The following MSRA variants were observed in gnomAD, a reference collection of about 807,000 sequenced individuals.
The protein encoded by MSRA is methionine sulfoxide reductase A, also known as mitochondrial peptide methionine sulfoxide reductase.
A neutral mutation model predicts 31.3 loss-of-function variants in MSRA; 54 were observed. The observed-to-expected ratio is 1.73, with a 90% CI of 1.39 to 2.17. The LOEUF (loss-of-function observed/expected upper bound fraction) is 2.17. MSRA is among the 30% of genes most tolerant of loss of function. The pLI, the probability that MSRA is intolerant of heterozygous loss-of-function variation, is 0.00. For synonymous variants in MSRA, 169 were observed against 116.5 expected (o/e 1.45, Z -2.90); for missense variants, 507 against 300.9 (o/e 1.69, Z -5.07).
At chr8:10,346,610 G>A (rs1206317233) in intron 5 of MSRA, among the ~76,000 whole-genome samples, 1 of 152,186 alleles carries the variant, frequency 6.6e-6, no homozygotes, top group East Asian at 1.9e-4. Flanking sequence ...GCTCCAGAGT[G>A]GAAAAGAGGG....
chr8:10,086,300 C>T (rs1221362009), intron 1 of MSRA, among the ~76,000 whole-genome samples: 1 of 152,158 alleles, frequency 6.6e-6, no homozygotes, highest in African/African-American at 2.4e-5. Flanking sequence ...CTGGTGCTAC[C>T]ATTTAATGGA....
At chr8:10,141,562 C>T (rs1435828983) in intron 1 of MSRA, among the ~76,000 whole-genome samples, 6 of 152,188 alleles carry the variant, frequency 3.9e-5, no homozygotes, top group Admixed American at 3.9e-4. Context: ...AGCCTTAGAG[C>T]TAAGCATGCA....
chr8:10,329,872 C>G (rs1802590274), intron 5 of MSRA, among the ~76,000 whole-genome samples: 1 of 151,846 alleles, frequency 6.6e-6, no homozygotes, highest in African/African-American at 2.4e-5. Context: ...AGTTTATCCC[C>G]TTTCATACAT....
intron 3 of MSRA, among the ~76,000 whole-genome samples, chr8:10,279,042 G>A: frequency 6.6e-6 from 1 of 152,256 alleles, no homozygotes; most frequent in East Asian, 1.9e-4. Context: ...AGGTCATTTA[G>A]GTCATTGATT....
intron 2 of MSRA, among the ~76,000 whole-genome samples, chr8:10,211,681 G>A (rs978078904): frequency 1.3e-5 from 2 of 152,162 alleles, no homozygotes; most frequent in African/African-American, 4.8e-5. Flanking sequence ...GGCACCCAGA[G>A]ATTAAAGAAA....
intron 5 of MSRA, among the ~76,000 whole-genome samples, chr8:10,339,076 T>C (rs1353411077): frequency 6.6e-6 from 1 of 152,216 alleles, no homozygotes; most frequent in Non-Finnish European, 1.5e-5. Flanking sequence ...CCCTTGTTCT[T>C]ATGAACCTTG....
At chr8:10,089,465 AT>A (rs1273061627) in intron 1 of MSRA, among the ~76,000 whole-genome samples, 1 of 152,206 alleles carries the variant, frequency 6.6e-6, no homozygotes, top group East Asian at 1.9e-4. Flanking sequence ...TGAATTTGCC[AT>A]TGCACATTCC....
At chr8:10,149,417 C>G (rs776492819) in intron 1 of MSRA, among the ~76,000 whole-genome samples, 1 of 152,232 alleles carries the variant, frequency 6.6e-6, no homozygotes, top group Non-Finnish European at 1.5e-5. Context: ...AGCCACCGCG[C>G]CCGGCTGAGA....
chr8:10,224,706 G>A (rs1485023502), intron 2 of MSRA, among the ~76,000 whole-genome samples: 1 of 152,176 alleles, frequency 6.6e-6, no homozygotes, highest in Non-Finnish European at 1.5e-5. Context: ...CCCCATCAGA[G>A]AGAGACACTC....
At chr8:10,136,222 A>G (rs1166755257) in intron 1 of MSRA, among the ~76,000 whole-genome samples, 1 of 152,172 alleles carries the variant, frequency 6.6e-6, no homozygotes, top group Non-Finnish European at 1.5e-5. Flanking sequence ...GCAGAGAGGC[A>G]CATTGGTGAA....
intron 1 of MSRA, among the ~76,000 whole-genome samples, chr8:10,061,026 C>T (rs1445976617): frequency 6.6e-6 from 1 of 152,170 alleles, no homozygotes; most frequent in Non-Finnish European, 1.5e-5. Flanking sequence ...ATTGTTATTT[C>T]CCCTCTTTGC....
At chr8:10,077,535 C>T (rs1415154526) in intron 1 of MSRA, among the ~76,000 whole-genome samples, 1 of 131,468 alleles carries the variant, frequency 7.6e-6, no homozygotes, top group Non-Finnish European at 1.5e-5. Flanking sequence ...GTTGCCCAGG[C>T]TGGTCTTCAA....
chr8:10,055,547 C>T (rs964003917), intron 1 of MSRA, among the ~76,000 whole-genome samples: 1 of 152,190 alleles, frequency 6.6e-6, no homozygotes, highest in East Asian at 1.9e-4. Context: ...ATTACTGAAT[C>T]GGAGACTCTG....
At chr8:10,281,127 T>C (rs748775027) in intron 3 of MSRA, among the ~76,000 whole-genome samples, 1 of 152,238 alleles carries the variant, frequency 6.6e-6, no homozygotes, top group Non-Finnish European at 1.5e-5. Flanking sequence ...CACTGAGTTA[T>C]ATTTAAATAG....
At chr8:10,346,284 C>G (rs1034624103) in intron 5 of MSRA, among the ~76,000 whole-genome samples, 1 of 152,176 alleles carries the variant, frequency 6.6e-6, no homozygotes, top group Non-Finnish European at 1.5e-5. Context: ...AGAATCAGCT[C>G]TCACCTCTGT....
intron 3 of MSRA, among the ~76,000 whole-genome samples, chr8:10,289,246 C>G (rs1291762023): frequency 6.6e-6 from 1 of 152,044 alleles, no homozygotes; most frequent in African/African-American, 2.4e-5. Context: ...ATATCTTGAC[C>G]TCATAATCTG....
chr8:10,386,514 A>C (rs998082427), intron 5 of MSRA, among the ~76,000 whole-genome samples: 2 of 152,188 alleles, frequency 1.3e-5, no homozygotes. Flanking sequence ...GAACCTTCAA[A>C]TCTGTGTTTG....
chr8:10,066,596 C>T (rs769052197), intron 1 of MSRA, among the ~76,000 whole-genome samples: 19 of 152,052 alleles, frequency 1.2e-4, no homozygotes, highest in East Asian at 1.9e-4. Context: ...TGCAATGGCG[C>T]GATCTCTGCT....
intron 1 of MSRA, among the ~76,000 whole-genome samples, chr8:10,081,621 G>C (rs1056412487): frequency 1.3e-5 from 2 of 152,110 alleles, no homozygotes; most frequent in African/African-American, 4.8e-5. Flanking sequence ...TCCCGAGTAG[G>C]TGGACTTATA....
Sources: gnomAD v4.1 joint callset for allele counts (sites outside exome capture counted in the v4.1 genomes callset) on GRCh38, gnomAD v4.1.1 for gene constraint, MANE v1.5 for transcripts, NCBI Gene and HGNC (gene_info 2026-07-23, HGNC 2026-07-21) for gene names.